The following GMPR variants were observed in gnomAD, a reference collection of about 807,000 sequenced individuals.
GMPR encodes GMP reductase 1.
A neutral mutation model predicts 38.4 loss-of-function variants in GMPR; 31 were observed. The ratio of observed to expected loss-of-function variants is 0.81; its 90% CI spans 0.61 to 1.09. GMPR has a LOEUF of 1.09. Among genes scored for constraint, GMPR ranks in the 50% least tolerant of loss-of-function variants. The pLI is 0.00. For missense variants in GMPR, 468 were observed against 453.7 expected, an observed-to-expected ratio of 1.03 and a Z score of -0.29; for synonymous variants, 162 against 173.3, an observed-to-expected ratio of 0.93 and a Z score of 0.51.
intron 7 of GMPR, among the ~76,000 whole-genome samples, chr6:16,289,122 G>A (rs1274449881): frequency 2.0e-5 from 3 of 152,124 alleles, no homozygotes; most frequent in Admixed American, 2.0e-4. Context: ...CGGTCTTTAG[G>A]CCCACACTGC....
At chr6:16,293,779 C>CA (rs1759882576) in intron 8 of GMPR, among the ~76,000 whole-genome samples, 1 of 152,122 alleles carries the variant, frequency 6.6e-6, no homozygotes. Flanking sequence ...GTCTGGGTGA[C>CA]AAAGGCAAAA....
chr6:16,269,993 G>A (rs191319187), intron 4 of GMPR, among the ~76,000 whole-genome samples: 113 of 152,206 alleles, frequency 7.4e-4, no homozygotes, highest in African/African-American at 2.5e-3. Context: ...CCCATTGTTG[G>A]GGGCTCTGCC....
chr6:16,248,308 A>T (rs73362612), intron 2 of GMPR, among the ~76,000 whole-genome samples: 7,240 of 149,654 alleles, frequency 0.048, 320 homozygotes, highest in African/African-American at 0.12. Flanking sequence ...AAATAAAATT[A>T]AAAAAAAATT....
chr6:16,259,462 CAAAAT>C (rs1479029038), intron 4 of GMPR: 1 of 151,830 alleles, frequency 6.6e-6, no homozygotes, highest in Non-Finnish European at 1.5e-5. Context: ...AAAAATAAAA[CAAAAT>C]AGTGGTAAAG....
chr6:16,281,661 C>T (rs1448854989), intron 6 of GMPR, among the ~76,000 whole-genome samples: 10 of 137,456 alleles, frequency 7.3e-5, no homozygotes, highest in African/African-American at 1.7e-4. Context: ...CGCGCCACCA[C>T]GCTCAGCCCA....
intron 4 of GMPR, among the ~76,000 whole-genome samples, chr6:16,273,811 ATT>A (rs772416416): frequency 1.2e-3 from 137 of 112,792 alleles, no homozygotes; most frequent in African/African-American, 2.5e-3. Context: ...TCCCTCTAAG[ATT>A]TTTTTTTTTT....
At chr6:16,270,968 CT>C (rs1759372261) in intron 4 of GMPR, among the ~76,000 whole-genome samples, 1 of 152,120 alleles carries the variant, frequency 6.6e-6, no homozygotes, top group African/African-American at 2.4e-5. Flanking sequence ...GGGGGGATTA[CT>C]TGAGGCCAGG....
At chr6:16,274,285 G>C in intron 4 of GMPR, 130 bp from the exon 5 acceptor site, 1 of 654,596 alleles carries the variant, frequency 1.5e-6, no homozygotes, top group African/African-American at 1.8e-5. Context: ...GAAATTCTGT[G>C]TTCCTTTTTT....
chr6:16,252,863 TAA>T (rs1399751894), intron 3 of GMPR, among the ~76,000 whole-genome samples: 1 of 151,446 alleles, frequency 6.6e-6, no homozygotes, highest in Non-Finnish European at 1.5e-5. Context: ...AAGGCTGGAG[TAA>T]ATATGTGTCA....
rs369418336 is a variant in GMPR at position 16,280,057 on chromosome 6, A to G, written c.654+1167A>G. Among the ~76,000 whole-genome samples, 24 of 152,132 alleles carry G rather than the reference A, an allele frequency of 1.6e-4. No homozygotes were observed. The East Asian group carries it at 4.3e-3, about 27-fold the overall frequency. On this transcript the variant is annotated intron_variant, in intron 6 of 8. Transcript: ENST00000259727. ...TGCTTGGGGGGCACTGGAGAAGGAG[A>G]AGGAGGAGCAAGGCTGTGGCTGGCT...
intron 8 of GMPR, among the ~76,000 whole-genome samples, chr6:16,294,654 G>A (rs747656601): frequency 5.3e-5 from 8 of 152,190 alleles, no homozygotes; most frequent in Non-Finnish European, 1.0e-4. Flanking sequence ...AAAGGTAAAG[G>A]TGGTTTCTGT....
intron 4 of GMPR, among the ~76,000 whole-genome samples, chr6:16,256,474 A>AG (rs1360625182): frequency 6.9e-6 from 1 of 144,616 alleles, no homozygotes; most frequent in Non-Finnish European, 1.5e-5. Context: ...GGTGGCTGTG[A>AG]GCCGAGATCT....
intron 1 of GMPR, among the ~76,000 whole-genome samples, chr6:16,241,740 C>CTTAT (rs796722600): frequency 2.0e-5 from 3 of 152,094 alleles, no homozygotes; most frequent in Non-Finnish European, 4.4e-5. Flanking sequence ...TAAGAATGTA[C>CTTAT]TTATTTATTT....
chr6:16,262,841 T>C (rs914602317), intron 4 of GMPR: 4 of 151,976 alleles, frequency 2.6e-5, no homozygotes, highest in Non-Finnish European at 4.4e-5. Flanking sequence ...CGATTTGGGA[T>C]AAAGAAAAAG....
In GMPR at chr6:16,250,434, A is replaced by G. The variant is rs1174135251; in HGVS notation, c.291+67A>G. ...GGGAACAAAATCTTCAGAGCTGTCA[A>G]GAGGATTTCAGTCAGTAGCAGAGAG... On this transcript the variant is annotated intron_variant, in intron 3 of 8. Coordinates refer to ENST00000259727, the MANE Select transcript of GMPR (RefSeq NM_006877.4). 5 of 880,638 alleles carry G rather than the reference A, an allele frequency of 5.7e-6. No individual in the cohort carries two copies. The African/African-American group carries it at 8.2e-5, about 14-fold the overall frequency. 54.6% of individuals were successfully genotyped at this position (880,638 alleles called of 1,614,324 possible). A position where few individuals can be genotyped will look rare whatever the true frequency, so the allele number is the denominator to read the frequency against.
At chr6:16,287,795 A>G (rs796770700) in intron 7 of GMPR, among the ~76,000 whole-genome samples, 3 of 152,338 alleles carry the variant, frequency 2.0e-5, no homozygotes, top group African/African-American at 7.2e-5. Context: ...GCTGCCACTT[A>G]GGAAGGTTGC....
chr6:16,260,902 A>T (rs1759070870), intron 4 of GMPR, among the ~76,000 whole-genome samples: 1 of 152,002 alleles, frequency 6.6e-6, no homozygotes, highest in African/African-American at 2.4e-5. Flanking sequence ...GAACAATGGT[A>T]ATTGTGGGAC....
At chr6:16,243,406 G>C (rs866832896) in intron 1 of GMPR, among the ~76,000 whole-genome samples, 2 of 152,130 alleles carry the variant, frequency 1.3e-5, no homozygotes, top group South Asian at 2.1e-4. Context: ...ATAACTGATG[G>C]TGAGGCTTTC....
chr6:16,269,588 G>A (rs1316768829), intron 4 of GMPR, among the ~76,000 whole-genome samples: 1 of 152,138 alleles, frequency 6.6e-6, no homozygotes, highest in Non-Finnish European at 1.5e-5. Flanking sequence ...GTGAGCCCAG[G>A]AGTTTGAGAC....
Sources: allele counts gnomAD v4.1 joint callset (sites outside exome capture counted in the v4.1 genomes callset), GRCh38; gene constraint gnomAD v4.1.1; transcripts MANE v1.5; gene names NCBI Gene and HGNC (gene_info 2026-07-23, HGNC 2026-07-21).